The following ADAM10 variants were observed in gnomAD, a reference collection of about 807,000 sequenced individuals.
ADAM10 encodes the protein disintegrin and metalloproteinase domain-containing protein 10.
In ADAM10, 17 loss-of-function variants were observed where a neutral mutation model predicts 90.1. The ratio of observed to expected loss-of-function variants is 0.19; its 90% CI spans 0.13 to 0.28. The LOEUF is 0.28. Ranked by LOEUF, ADAM10 falls within the 10% of genes least tolerant of loss-of-function variation. ADAM10 has a pLI of 1.00. For synonymous variants in ADAM10, 310 were observed against 298.6 expected, an observed-to-expected ratio of 1.04 and a Z score of -0.40; for missense variants, 610 against 914.3, an observed-to-expected ratio of 0.67 and a Z score of 4.29.
chr15:58,631,162 G>A (rs1282066340), intron 9 of ADAM10, among the ~76,000 whole-genome samples: 2 of 152,132 alleles, frequency 1.3e-5, no homozygotes, highest in South Asian at 2.1e-4. Flanking sequence ...CAGAAGCTGA[G>A]TAGATGCCAG....
chr15:58,618,990 C>T (rs1373900647), intron 11 of ADAM10, among the ~76,000 whole-genome samples: 2 of 152,006 alleles, frequency 1.3e-5, no homozygotes, highest in Admixed American at 6.6e-5. Flanking sequence ...ACTATATGAT[C>T]CAGCTGGGTA....
At chr15:58,691,140 G>A (rs1336651705) in intron 2 of ADAM10, 1 of 693,302 alleles carries the variant, frequency 1.4e-6, no homozygotes, top group African/African-American at 1.7e-5. Context: ...GCAGGGTGAA[G>A]ACACAAGCCT....
intron 3 of ADAM10, 110 bp downstream of exon 3, chr15:58,682,086 T>C (rs1241179897): frequency 2.0e-6 from 3 of 1,481,170 alleles, no homozygotes; most frequent in Non-Finnish European, 2.8e-6. Context: ...GAATTCAACC[T>C]CCTCTGGATT....
At chr15:58,623,788 G>A (rs1360153776) in intron 10 of ADAM10, among the ~76,000 whole-genome samples, 2 of 152,036 alleles carry the variant, frequency 1.3e-5, no homozygotes, top group African/African-American at 4.8e-5. Flanking sequence ...ACAGGGAGGG[G>A]AACAACACAC....
In ADAM10 at chr15:58,705,326, A is replaced by C. The variant is rs80076868; in HGVS notation, c.206+12251T>G. On this transcript the variant is annotated intron_variant, in intron 2 of 15. Coordinates refer to ENST00000260408, the MANE Select transcript of ADAM10 (RefSeq NM_001110.4). Reference sequence around the variant, plus strand: ...ATTTAACCACTGTATTGATTTTATGAATCAGTAAGTATTATGTTTCTCATC... The same window carrying C: ...ATTTAACCACTGTATTGATTTTATGCATCAGTAAGTATTATGTTTCTCATC... 5.5e-4 allele frequency among the ~76,000 whole-genome samples: 84 copies of C among 152,312 alleles called. 1 individual carries two copies. In the East Asian group the frequency reaches 7.9e-3, roughly 14 times the overall value.
chr15:58,729,792 G>A (rs563119133), intron 1 of ADAM10, among the ~76,000 whole-genome samples: 8 of 151,984 alleles, frequency 5.3e-5, no homozygotes, highest in South Asian at 2.1e-4. Context: ...GCGAAACACC[G>A]TCTCTAGTAA....
At chr15:58,663,413 C>T (rs1254730574) in intron 5 of ADAM10, among the ~76,000 whole-genome samples, 8 of 152,166 alleles carry the variant, frequency 5.3e-5, no homozygotes, top group South Asian at 2.1e-4. Context: ...ATTTTTATTC[C>T]GCTAGTTAAT....
chr15:58,743,792 G>T (rs1899694040), intron 1 of ADAM10, among the ~76,000 whole-genome samples: 1 of 152,168 alleles, frequency 6.6e-6, no homozygotes, highest in Admixed American at 6.5e-5. Context: ...TTTTAGTAGA[G>T]AGGGGGTTTC....
intron 2 of ADAM10, among the ~76,000 whole-genome samples, chr15:58,706,856 T>C (rs970355110): frequency 6.7e-6 from 1 of 148,372 alleles, no homozygotes; most frequent in Non-Finnish European, 1.5e-5. Flanking sequence ...TAAAAATACA[T>C]AAATTAGCCA....
At chr15:58,692,163 C>A in intron 2 of ADAM10, 1 of 534,418 alleles carries the variant, frequency 1.9e-6, no homozygotes, top group East Asian at 5.1e-5. Context: ...TGTTCATTTT[C>A]CTCTTGTTCT....
intron 10 of ADAM10, among the ~76,000 whole-genome samples, chr15:58,626,940 C>G (rs185447059): frequency 1.3e-5 from 2 of 152,186 alleles, no homozygotes; most frequent in Admixed American, 1.3e-4. Flanking sequence ...CAGAACTGTA[C>G]ATTTAAAATC....
intron 2 of ADAM10, among the ~76,000 whole-genome samples, chr15:58,694,407 C>T (rs564352067): frequency 2.0e-5 from 3 of 152,006 alleles, no homozygotes; most frequent in Admixed American, 1.3e-4. Context: ...GCCGAGATCA[C>T]GACACTGCAC....
In ADAM10 at chr15:58,636,005, A is replaced by T. The variant is rs186231716; in HGVS notation, c.1013-2646T>A. Among the ~76,000 whole-genome samples, 411 of 152,280 alleles carry T rather than the reference A, an allele frequency of 2.7e-3. 2 individuals carry two copies. Among genetic ancestry groups the T allele is most frequent in the Non-Finnish European group, 3.3e-3 (225 of 68,016 alleles). Reference sequence around the variant, plus strand: ...ATGAAAGTTTAAAATGGCCGGGCGCAGTGGCTCACGTCTGTAATCCCAACA... The same window carrying T: ...ATGAAAGTTTAAAATGGCCGGGCGCTGTGGCTCACGTCTGTAATCCCAACA... On this transcript the variant is annotated intron_variant, in intron 8 of 15. Transcript: ENST00000260408.
chr15:58,678,675 T>C (rs1412673309), intron 4 of ADAM10, among the ~76,000 whole-genome samples: 1 of 152,146 alleles, frequency 6.6e-6, no homozygotes. Context: ...CTTAAGATTC[T>C]AAAAAGAAAT....
At chr15:58,704,096 G>C (rs931481073) in intron 2 of ADAM10, 5 of 152,318 alleles carry the variant, frequency 3.3e-5, no homozygotes, top group African/African-American at 1.2e-4. Flanking sequence ...CAGATCAGTC[G>C]AATGAACGCT....
At chr15:58,630,020 C>T (rs537984349) in intron 9 of ADAM10, among the ~76,000 whole-genome samples, 1 of 152,232 alleles carries the variant, frequency 6.6e-6, no homozygotes, top group East Asian at 1.9e-4. Flanking sequence ...GCAATCTGCC[C>T]ACCTCGGCCT....
At position 58,692,551 on chromosome 15, in the gene ADAM10, A is replaced by C. The variant is rs761552445; in HGVS notation, c.207-10237T>G. The C allele has an allele frequency of 1.5e-5, 8 of 539,832 alleles. No individual in the cohort carries two copies. In the East Asian group the frequency reaches 4.1e-4, roughly 28 times the overall value. The allele number at this position is 539,832 out of a possible 1,614,324, so 33.4% of individuals were successfully genotyped here. On this transcript the variant is annotated intron_variant, in intron 2 of 15. Transcript: ENST00000260408. ...GATTTCCTTCTCTGGTTCCTTCTCCAAATAAACGGCGATAAGACAGCCTAT... is the reference window on the plus strand; with the variant it reads ...GATTTCCTTCTCTGGTTCCTTCTCCCAATAAACGGCGATAAGACAGCCTAT...
intron 3 of ADAM10, among the ~76,000 whole-genome samples, chr15:58,680,417 C>A (rs1247007992): frequency 6.6e-6 from 1 of 152,110 alleles, no homozygotes; most frequent in Non-Finnish European, 1.5e-5. Context: ...GTCACCACGC[C>A]CAGCCTATAA....
rs755299658 is a variant in ADAM10, at chr15:58,679,158, T to C, written c.450A>G (p.Pro150=). Residue 150 remains proline, a synonymous_variant, in exon 4 of 16, where the codon CCA becomes CCG. Transcript: ENST00000260408. ...AERYIKDRTL[P]FHSVIYHEDD... ...CTTCATGATAAATGACAGAGTGAAA[T>C]GGCAGAGTTCGGTCTTTAATATATC... 6.2e-7 allele frequency: 1 copy of C among 1,613,988 alleles called. No homozygotes were observed. The highest frequency in any genetic ancestry group is 8.5e-7 in the Non-Finnish European group (1 of 1,179,940).
Sources: gnomAD v4.1 joint callset for allele counts (sites outside exome capture counted in the v4.1 genomes callset) on GRCh38, gnomAD v4.1.1 for gene constraint, MANE v1.5 for transcripts, NCBI Gene and HGNC (gene_info 2026-07-23, HGNC 2026-07-21) for gene names.